MAD1L1: variants seen among roughly 807,000 people sequenced by gnomAD.
MAD1L1 encodes the protein mitotic spindle assembly checkpoint protein MAD1.
Under a neutral mutation model 96.9 loss-of-function variants are expected in MAD1L1, and 95 were observed. The ratio of observed to expected loss-of-function variants is 0.98; its 90% CI spans 0.83 to 1.16. The LOEUF (loss-of-function observed/expected upper bound fraction) is 1.16. MAD1L1 is among the 50% of genes most tolerant of loss of function. MAD1L1 has a pLI of 0.00. For synonymous variants in MAD1L1, 473 were observed against 396.6 expected (o/e 1.19, Z -2.29); for missense variants, 1,007 against 954.4 (o/e 1.06, Z -0.73).
intron 18 of MAD1L1, among the ~76,000 whole-genome samples, chr7:1,841,478 G>A (rs1783253283): frequency 6.6e-6 from 1 of 152,216 alleles, no homozygotes; most frequent in African/African-American, 2.4e-5. Context: ...GGAAGTCACG[G>A]AACCGGCTGC....
chr7:1,854,530 G>A (rs896495687), intron 18 of MAD1L1, among the ~76,000 whole-genome samples: 8 of 152,118 alleles, frequency 5.3e-5, no homozygotes, highest in Non-Finnish European at 1.2e-4. Flanking sequence ...GAAGGGGCGG[G>A]GGGACTCTGG....
At chr7:1,879,101 T>C (rs1583635218) in intron 18 of MAD1L1, among the ~76,000 whole-genome samples, 1 of 152,254 alleles carries the variant, frequency 6.6e-6, no homozygotes, top group South Asian at 2.1e-4. Context: ...ATAAAAAACA[T>C]TGCTGGGAGA....
chr7:1,915,994 A>T (rs577512489), intron 17 of MAD1L1, among the ~76,000 whole-genome samples: 1 of 152,380 alleles, frequency 6.6e-6, no homozygotes, highest in East Asian at 1.9e-4. Context: ...CGAAAATGGC[A>T]GGGATTTAAG....
At chr7:1,923,340 C>G (rs563364628) in intron 17 of MAD1L1, among the ~76,000 whole-genome samples, 1 of 152,236 alleles carries the variant, frequency 6.6e-6, no homozygotes, top group African/African-American at 2.4e-5. Context: ...GGAGTGAGCA[C>G]AAGACGCACA....
chr7:1,977,417 C>T (rs1377121008), intron 15 of MAD1L1, among the ~76,000 whole-genome samples: 1 of 152,210 alleles, frequency 6.6e-6, no homozygotes, highest in Non-Finnish European at 1.5e-5. Flanking sequence ...GAGTGTGGGG[C>T]CCGCCAAGCC....
intron 12 of MAD1L1, among the ~76,000 whole-genome samples, chr7:2,019,483 T>C (rs1403961630): frequency 1.3e-5 from 2 of 152,262 alleles, no homozygotes; most frequent in Non-Finnish European, 2.9e-5. Flanking sequence ...CTAACGTCTC[T>C]GAACCCACCC....
chr7:1,909,613 C>G lies in MAD1L1; in HGVS notation c.1808-11223G>C, dbSNP rs115960779. 6.2e-3 allele frequency among the ~76,000 whole-genome samples: 945 copies of G among 152,296 alleles called. 12 individuals are homozygous for G. Among genetic ancestry groups the G allele is most frequent in the African/African-American group, 0.022 (903 of 41,572 alleles). ...CCGTACCCCAGCATGCCCCACAGCG[C>G]CCCACCTGGCTCATCCCAGGGGCTG... On this transcript the variant is annotated intron_variant, in intron 17 of 18. Transcript: ENST00000265854.
At chr7:2,213,066 A>C in intron 10 of MAD1L1, 146 bp downstream of exon 10, 1 of 758,406 alleles carries the variant, frequency 1.3e-6, no homozygotes, top group South Asian at 1.7e-5. Flanking sequence ...GGCCTCATTA[A>C]ACCTGAGCAG....
intron 11 of MAD1L1, among the ~76,000 whole-genome samples, chr7:2,087,736 A>C (rs1456021822): frequency 6.6e-6 from 1 of 152,164 alleles, no homozygotes; most frequent in Admixed American, 6.5e-5. Context: ...TTTGTTGTAA[A>C]AGGAATGATG....
At position 1,860,934 on chromosome 7, in the gene MAD1L1, C is replaced by A. The variant is rs950964317; in HGVS notation, c.1998+37266G>T. On this transcript the variant is annotated intron_variant, in intron 18 of 18. Coordinates refer to ENST00000265854, the MANE Select transcript of MAD1L1 (RefSeq NM_001013836.2). ...CAGGCCGGCCGTCAAATCTCCCACC[C>A]AGTTCTGGGTCTTGCCTGGAGGGGC... Among the ~76,000 whole-genome samples the A allele has an allele frequency of 2.6e-5, 4 of 152,216 alleles. No individual in the cohort carries two copies. In the East Asian group the frequency reaches 7.7e-4, roughly 29 times the overall value.
intron 3 of MAD1L1, 113 bp from the exon 4 acceptor site, chr7:2,225,663 G>T: frequency 1.7e-6 from 2 of 1,210,742 alleles, no homozygotes; most frequent in Non-Finnish European, 2.3e-6. Context: ...CAGGTCCCGT[G>T]CTAAGTCTTG....
chr7:1,913,261 G>A (rs1475396064), intron 17 of MAD1L1, among the ~76,000 whole-genome samples: 2 of 152,032 alleles, frequency 1.3e-5, no homozygotes, highest in Non-Finnish European at 2.9e-5. Flanking sequence ...CAGACACAGG[G>A]CTCTGGAAGG....
chr7:1,926,479 A>G (rs1789095105), intron 17 of MAD1L1, among the ~76,000 whole-genome samples: 1 of 151,894 alleles, frequency 6.6e-6, no homozygotes, highest in Admixed American at 6.6e-5. Context: ...TGACGATGTC[A>G]GCAAGATGAA....
At chr7:2,076,962 G>C (rs888998244) in intron 11 of MAD1L1, among the ~76,000 whole-genome samples, 1 of 145,140 alleles carries the variant, frequency 6.9e-6, no homozygotes, top group South Asian at 2.1e-4. Context: ...CCCGCGGCAC[G>C]GTGAGCCCGC....
At chr7:1,952,651 G>A (rs1196115464) in intron 16 of MAD1L1, among the ~76,000 whole-genome samples, 2 of 152,156 alleles carry the variant, frequency 1.3e-5, no homozygotes, top group Non-Finnish European at 2.9e-5. Flanking sequence ...CATGGGCCCT[G>A]CAGAGCTGCC....
intron 12 of MAD1L1, among the ~76,000 whole-genome samples, chr7:2,023,034 T>C (rs914890820): frequency 1.3e-5 from 2 of 152,302 alleles, no homozygotes; most frequent in Non-Finnish European, 2.9e-5. Context: ...TCTCAAAATA[T>C]GCGAGGAAAA....
At chr7:1,827,525 A>G (rs1371826930) in intron 18 of MAD1L1, among the ~76,000 whole-genome samples, 7 of 120,606 alleles carry the variant, frequency 5.8e-5, no homozygotes, top group Admixed American at 1.7e-4. Context: ...TCCCCTCCTG[A>G]GCCCGTCCCG....
chr7:2,071,015 T>C (rs1203894859), intron 11 of MAD1L1, among the ~76,000 whole-genome samples: 1 of 150,186 alleles, frequency 6.7e-6, no homozygotes, highest in Non-Finnish European at 1.5e-5. Context: ...CCAGGGCTGG[T>C]GGATGGCGCT....
At chr7:2,022,020 A>G (rs977990728) in intron 12 of MAD1L1, among the ~76,000 whole-genome samples, 5 of 152,074 alleles carry the variant, frequency 3.3e-5, no homozygotes, top group African/African-American at 1.2e-4. Context: ...CAGTGGTGTG[A>G]TCATAGCTCA....
Sources: allele counts gnomAD v4.1 joint callset (sites outside exome capture counted in the v4.1 genomes callset), GRCh38; gene constraint gnomAD v4.1.1; transcripts MANE v1.5; gene names NCBI Gene and HGNC (gene_info 2026-07-23, HGNC 2026-07-21).